The following TNS4 variants were observed in gnomAD, a reference collection of about 807,000 sequenced individuals.
The protein encoded by TNS4 is tensin 4, also known as tensin-4.
TNS4 carries 46 observed loss-of-function variants against 70.4 expected under a neutral mutation model. That is an observed-to-expected ratio of 0.65 (90% CI 0.52 to 0.84). The LOEUF (loss-of-function observed/expected upper bound fraction) is 0.84. Among genes scored for constraint, TNS4 ranks in the 40% least tolerant of loss-of-function variants. The probability of loss-of-function intolerance (pLI) is 0.00; values close to 1 mark genes in which losing one functional copy is unlikely to be tolerated. For missense variants in TNS4, 863 were observed against 907.0 expected (o/e 0.95, Z 0.62); for synonymous variants, 390 against 366.6 (o/e 1.06, Z -0.73).
At chr17:40,485,740 A>AATGGC (rs1167235251) in intron 4 of TNS4, among the ~76,000 whole-genome samples, 1 of 152,210 alleles carries the variant, frequency 6.6e-6, no homozygotes, top group Non-Finnish European at 1.5e-5. Flanking sequence ...GGGATGCCAA[A>AATGGC]ATGGCCATTT....
rs2143800006 is a variant in TNS4, at chr17:40,486,176, C to T, written c.1288+860G>A. 2.0e-5 allele frequency among the ~76,000 whole-genome samples: 3 copies of T among 152,210 alleles called. No individual in the cohort carries two copies. In the South Asian group the frequency reaches 6.2e-4, roughly 32 times the overall value. ...TGCTTGGGTTTGTTCTTCTTGGACGCCTGTGATCTCAGACTCCGGGAAGGA... is the reference window on the plus strand; with the variant it reads ...TGCTTGGGTTTGTTCTTCTTGGACGTCTGTGATCTCAGACTCCGGGAAGGA... On this transcript the variant is annotated intron_variant, in intron 4 of 12. Coordinates refer to ENST00000254051, the MANE Select transcript of TNS4 (RefSeq NM_032865.6).
At position 40,496,072 on chromosome 17, in the gene TNS4, C is replaced by A. The variant is rs1468025390; in HGVS notation, c.354G>T (p.Leu118=). ...MILELDPTFQ[L]LPPGTGGSQA... Reference sequence around the variant, plus strand: ...GGGAGCCCCCAGTCCCTGGGGGAAGCAGCTGGAAGGTGGGGTCCAGTTCCA... The same window carrying A: ...GGGAGCCCCCAGTCCCTGGGGGAAGAAGCTGGAAGGTGGGGTCCAGTTCCA... The change falls in exon 2 of 13, where the codon CTG becomes CTT. Residue 118 remains leucine (L), a synonymous_variant. Coordinates refer to ENST00000254051, the MANE Select transcript of TNS4 (RefSeq NM_032865.6). 22 of 1,613,164 alleles carry A rather than the reference C, an allele frequency of 1.4e-5. No individual in the cohort carries two copies. The highest frequency in any genetic ancestry group is 1.9e-5 in the Non-Finnish European group (22 of 1,179,710).
Position 40,487,376 on chromosome 17 carries a change from G to A in TNS4, c.948C>T (p.Ser316=). ...GGGACACTGAGCCAAGGCTGTGGAG[G>A]CTGGAGGAAGAGTTGGCTGGACTTT... ...SLESPANSSS[S]LHSLGSVSLC... is the part of the protein sequence containing the mutation. The change falls in exon 4 of 13, where the codon AGC becomes AGT. Residue 316 remains serine, a synonymous_variant. Coordinates refer to ENST00000254051, the MANE Select transcript of TNS4 (RefSeq NM_032865.6). 2 of 1,614,190 alleles carry A rather than the reference G, an allele frequency of 1.2e-6. No homozygotes were observed. The highest frequency in any genetic ancestry group is 1.7e-6 in the Non-Finnish European group (2 of 1,180,020).
chr17:40,478,222 A>G, intron 12 of TNS4, 85 bp downstream of exon 12: 9 of 1,561,000 alleles, frequency 5.8e-6, no homozygotes, highest in Non-Finnish European at 7.9e-6. Context: ...AACACTTTGG[A>G]CTATTAAAGT....
chr17:40,484,344 TG>T, intron 6 of TNS4, 139 bp downstream of exon 6: 2 of 1,326,442 alleles, frequency 1.5e-6, no homozygotes, highest in Non-Finnish European at 2.0e-6. Flanking sequence ...GGGAGAACAC[TG>T]GGGTGGACGC....
At chr17:40,500,127 T>C (rs2036193432) in intron 1 of TNS4, among the ~76,000 whole-genome samples, 3 of 152,292 alleles carry the variant, frequency 2.0e-5, no homozygotes, top group South Asian at 2.1e-4. Flanking sequence ...CAACTGTGAA[T>C]TGGGGTTTAA....
Position 40,487,444 on chromosome 17 carries a change from G to T in TNS4, c.880C>A (p.His294Asn). ...GACTGATGGCTGGAGTTGCTGGAGT[G>T]CAGGAGGGACTGGCTGCTGCAGCGG... ...YMFGSSQSLL[H>N]SSNSSHQSSS... The change falls in exon 4 of 13, where the codon CAC (histidine) becomes AAC (asparagine). Residue 294 changes from histidine (H) to asparagine (N), a missense_variant. Coordinates refer to ENST00000254051, the MANE Select transcript of TNS4 (RefSeq NM_032865.6). 6.2e-7 allele frequency: 1 copy of T among 1,607,888 alleles called. No homozygotes were observed. The highest frequency in any genetic ancestry group is 1.1e-5 in the South Asian group (1 of 90,684).
rs912729493 is a variant in TNS4, at chr17:40,487,117, C to A, written c.1207G>T (p.Ala403Ser). Residue 403 changes from alanine to serine, a missense_variant, in exon 4 of 13, where the codon GCT (alanine) becomes TCT (serine). Transcript: ENST00000254051. Reference sequence around the variant, plus strand: ...GCTGGACAGGGGTTGCTGGGAGAAGCAGCTCCAGGTTGAACGGAGTTCTGG... The same window carrying A: ...GCTGGACAGGGGTTGCTGGGAGAAGAAGCTCCAGGTTGAACGGAGTTCTGG... ...GHQNSVQPGA[A>S]SPSNPCPATR... The A allele has an allele frequency of 3.1e-6, 5 of 1,614,074 alleles. No homozygotes were observed. The highest frequency in any genetic ancestry group is 1.1e-5 in the South Asian group (1 of 91,086).
intron 4 of TNS4, 55 bp from the exon 5 acceptor site, chr17:40,485,062 G>T: frequency 1.3e-6 from 2 of 1,504,864 alleles, no homozygotes; most frequent in Non-Finnish European, 1.8e-6. Flanking sequence ...GGAGCTGAGG[G>T]ATGTTCACCA....
chr17:40,486,752 G>T (rs767618368), intron 4 of TNS4, among the ~76,000 whole-genome samples: 1 of 152,016 alleles, frequency 6.6e-6, no homozygotes, highest in African/African-American at 2.4e-5. Context: ...GATCCAGCTC[G>T]GATGTCGCTT....
At position 40,496,019 on chromosome 17, in the gene TNS4, G is replaced by A; in HGVS notation, c.407C>T (p.Ser136Leu). Residue 136 changes from serine to leucine, a missense_variant, in exon 2 of 13, where the codon TCA becomes TTA. Transcript: ENST00000254051. The part of the protein sequence containing the change: ...SQAELAQSTM[S>L]MRKKEESEAL... ...TTCAGATTCCTCCTTCTTTCTCATT[G>A]ACATGGTGCTCTGGGCCAGCTCAGC... is the stretch of plus-strand genomic sequence containing the variant. 6.2e-7 allele frequency: 1 copy of A among 1,612,564 alleles called. No individual in the cohort carries two copies. The highest frequency in any genetic ancestry group is 8.5e-7 in the Non-Finnish European group (1 of 1,179,528).
At chr17:40,497,230 G>A (rs936631432) in intron 1 of TNS4, among the ~76,000 whole-genome samples, 2 of 152,164 alleles carry the variant, frequency 1.3e-5, no homozygotes, top group East Asian at 1.9e-4. Context: ...GAAGGGACAC[G>A]CAAAGGGAGA....
intron 1 of TNS4, among the ~76,000 whole-genome samples, chr17:40,498,315 T>C (rs1334336199): frequency 6.6e-6 from 1 of 152,200 alleles, no homozygotes; most frequent in Admixed American, 6.5e-5. Context: ...ATCTGTGAGA[T>C]GGTAATGAGA....
At position 40,488,669 on chromosome 17, in the gene TNS4, C is replaced by A; in HGVS notation, c.740G>T (p.Gly247Val). 1 of 1,569,708 alleles carries A rather than the reference C, an allele frequency of 6.4e-7. No individual in the cohort carries two copies. Among genetic ancestry groups the A allele is most frequent in the Non-Finnish European group, 8.6e-7 (1 of 1,157,348 alleles). The change falls in exon 3 of 13, where the codon GGC becomes GTC. Residue 247 changes from glycine to valine, a missense_variant. Physicochemically the swap from Gly to Val is moderately radical, Grantham distance 109 (BLOSUM62 -3). Coordinates refer to ENST00000254051, the MANE Select transcript of TNS4 (RefSeq NM_032865.6). The part of the protein sequence containing the change: ...GSKASSPHGL[G>V]SPLVASPRLE... ...TCTTGGAGAAGCCACCAGCGGGGAG[C>A]CCAAACCATGGGGGCTCGAGGCCTT...
chr17:40,478,426 C>T, intron 11 of TNS4, 93 bp from the exon 12 acceptor site: 1 of 1,521,226 alleles, frequency 6.6e-7, no homozygotes. Context: ...TGCGTCCCCA[C>T]CCCACCATGC....
At position 40,487,385 on chromosome 17, in the gene TNS4, A is replaced by G. The variant is rs1429611045; in HGVS notation, c.939T>C (p.Ser313=). The G allele has an allele frequency of 6.2e-7, 1 of 1,614,132 alleles. No individual in the cohort carries two copies. Among genetic ancestry groups the G allele is most frequent in the Admixed American group, 1.7e-5 (1 of 60,022 alleles). Residue 313 remains serine (S), a synonymous_variant, in exon 4 of 13, where the codon TCT becomes TCC. Transcript: ENST00000254051. ...SSRSLESPAN[S]SSSLHSLGSV... ...AGCCAAGGCTGTGGAGGCTGGAGGAAGAGTTGGCTGGACTTTCCAAGGATC... is the reference window on the plus strand; with the variant it reads ...AGCCAAGGCTGTGGAGGCTGGAGGAGGAGTTGGCTGGACTTTCCAAGGATC...
intron 10 of TNS4, 78 bp downstream of exon 10, chr17:40,479,596 G>A (rs765242052): frequency 2.1e-5 from 32 of 1,533,152 alleles, no homozygotes; most frequent in Non-Finnish European, 2.6e-5. Flanking sequence ...CTTCATCCCT[G>A]ATCTGCAGCT....
At chr17:40,487,802 T>A (rs966819013) in intron 3 of TNS4, among the ~76,000 whole-genome samples, 1 of 152,176 alleles carries the variant, frequency 6.6e-6, no homozygotes, top group Non-Finnish European at 1.5e-5. Flanking sequence ...CAGGCCCCCA[T>A]GACTCCCAGG....
At chr17:40,485,132 CA>C (rs2035974829) in intron 4 of TNS4, 125 bp from the exon 5 acceptor site, 5 of 742,238 alleles carry the variant, frequency 6.7e-6, no homozygotes, top group Admixed American at 2.6e-5. Flanking sequence ...ACCACCATCC[CA>C]GACCCTAACC....
Sources: allele counts gnomAD v4.1 joint callset (sites outside exome capture counted in the v4.1 genomes callset), GRCh38; gene constraint gnomAD v4.1.1; transcripts MANE v1.5; gene names NCBI Gene and HGNC (gene_info 2026-07-23, HGNC 2026-07-21).